The following KLHL2 variants were observed in gnomAD, a reference collection of about 807,000 sequenced individuals.
KLHL2 encodes the protein kelch-like protein 2.
A neutral mutation model predicts 75.8 loss-of-function variants in KLHL2; 15 were observed. The observed-to-expected ratio is 0.20, with a 90% confidence interval of 0.13 to 0.30. KLHL2 has a LOEUF of 0.30. Among genes scored for constraint, KLHL2 ranks in the 10% least tolerant of loss-of-function variants. The pLI is 1.00. For missense variants in KLHL2, 381 were observed against 741.0 expected (o/e 0.51, Z 5.64); for synonymous variants, 214 against 251.9 (o/e 0.85, Z 1.42).
rs185313536 is a variant in KLHL2, at chr4:165,244,467, C to T, written c.381+5568C>T. Among the ~76,000 whole-genome samples the T allele has an allele frequency of 3.3e-5, 5 of 152,276 alleles. No homozygotes were observed. The East Asian group carries it at 9.7e-4, about 29-fold the overall frequency. ...GTAAAGTAGATTTTGGTGAAGAGTGCTTTTGCTTTGTGTATTTCTATATTG... is the reference window on the plus strand; with the variant it reads ...GTAAAGTAGATTTTGGTGAAGAGTGTTTTTGCTTTGTGTATTTCTATATTG... On this transcript the variant is annotated intron_variant, in intron 4 of 14. Coordinates refer to ENST00000226725, the MANE Select transcript of KLHL2 (RefSeq NM_007246.4).
intron 3 of KLHL2, among the ~76,000 whole-genome samples, chr4:165,229,210 CA>C (rs2111039327): frequency 6.6e-6 from 1 of 152,208 alleles, no homozygotes; most frequent in African/African-American, 2.4e-5. Flanking sequence ...ATTATTTTGA[CA>C]AAAGGAAGCC....
At chr4:165,240,938 A>T (rs1003976875) in intron 4 of KLHL2, among the ~76,000 whole-genome samples, 6 of 152,214 alleles carry the variant, frequency 3.9e-5, no homozygotes, top group Admixed American at 6.5e-5. Flanking sequence ...GTTTCTTTTA[A>T]TAACTATCAT....
chr4:165,308,229 G>A (rs1745879991), intron 9 of KLHL2, among the ~76,000 whole-genome samples: 1 of 151,946 alleles, frequency 6.6e-6, no homozygotes, highest in Admixed American at 6.6e-5. Context: ...TATCTTTATC[G>A]TTACTATCTG....
intron 9 of KLHL2, among the ~76,000 whole-genome samples, chr4:165,307,819 C>T (rs1745849319): frequency 1.3e-5 from 2 of 152,142 alleles, no homozygotes; most frequent in South Asian, 2.1e-4. Flanking sequence ...AGTACCTTTA[C>T]AGTTTTATTT....
intron 3 of KLHL2, among the ~76,000 whole-genome samples, chr4:165,229,363 CTG>C (rs1738702411): frequency 6.6e-6 from 1 of 152,130 alleles, no homozygotes; most frequent in African/African-American, 2.4e-5. Context: ...ACTTTGGCAA[CTG>C]TGAAAATATA....
chr4:165,287,605 C>G (rs1250147315), intron 5 of KLHL2, among the ~76,000 whole-genome samples: 1 of 152,026 alleles, frequency 6.6e-6, no homozygotes, highest in African/African-American at 2.4e-5. Flanking sequence ...ATTTTATAAT[C>G]TTACCAACAG....
chr4:165,310,918 A>AC (rs1441026143), intron 10 of KLHL2, among the ~76,000 whole-genome samples, 168 bp downstream of exon 10: 2 of 148,162 alleles, frequency 1.3e-5, no homozygotes, highest in Non-Finnish European at 3.0e-5. Flanking sequence ...ACAGTGGCGC[A>AC]ATCTCGGCTC....
intron 2 of KLHL2, among the ~76,000 whole-genome samples, chr4:165,224,329 T>A (rs1738257384): frequency 6.6e-6 from 1 of 152,204 alleles, no homozygotes; most frequent in Non-Finnish European, 1.5e-5. Context: ...ACCTATTAGC[T>A]TTATTTACAA....
rs1745664251 is a variant in KLHL2 at position 165,305,520 on chromosome 4, C to T, written c.922-88C>T. 7.6e-6 allele frequency: 8 copies of T among 1,057,952 alleles called. No individual in the cohort carries two copies. In the South Asian group the frequency reaches 9.2e-5, roughly 12 times the overall value. The allele number at this position is 1,057,952 out of a possible 1,614,324, so 65.5% of individuals were successfully genotyped here. The stretch of plus-strand genomic sequence containing the variant: ...TCACCCTATCATCTTCATCCTAACA[C>T]TTCCCACACCAGTGTCTTTGTAGGA... On this transcript the variant is annotated intron_variant, in intron 8 of 14. Transcript: ENST00000226725.
chr4:165,242,912 G>A (rs1407184392), intron 4 of KLHL2, among the ~76,000 whole-genome samples: 3 of 152,160 alleles, frequency 2.0e-5, no homozygotes, highest in Non-Finnish European at 4.4e-5. Context: ...TATATGCTAA[G>A]CATTTTATAT....
chr4:165,239,731 T>C (rs2111106818), intron 4 of KLHL2, among the ~76,000 whole-genome samples: 1 of 152,328 alleles, frequency 6.6e-6, no homozygotes. Flanking sequence ...AATCCCTCTT[T>C]AGAAAACGGA....
At chr4:165,223,738 C>G (rs1738196004) in intron 2 of KLHL2, among the ~76,000 whole-genome samples, 1 of 152,104 alleles carries the variant, frequency 6.6e-6, no homozygotes, top group South Asian at 2.1e-4. Context: ...CAGTGCATCT[C>G]TGGTGGGAAA....
At chr4:165,265,614 G>T (rs1227040995) in intron 5 of KLHL2, among the ~76,000 whole-genome samples, 1 of 151,982 alleles carries the variant, frequency 6.6e-6, no homozygotes, top group African/African-American at 2.4e-5. Flanking sequence ...CAACGTGATG[G>T]TTTCCAGCTT....
At chr4:165,213,636 A>G (rs902771176) in intron 1 of KLHL2, among the ~76,000 whole-genome samples, 1 of 152,282 alleles carries the variant, frequency 6.6e-6, no homozygotes, top group African/African-American at 2.4e-5. Flanking sequence ...GTGGTTTCCC[A>G]TGTACCTTCC....
intron 6 of KLHL2, among the ~76,000 whole-genome samples, chr4:165,296,280 T>A (rs1446521756): frequency 1.3e-5 from 2 of 152,202 alleles, no homozygotes; most frequent in East Asian, 1.9e-4. Context: ...TTGATTGGTC[T>A]CTCTCTAGGT....
intron 4 of KLHL2, among the ~76,000 whole-genome samples, chr4:165,239,835 C>T (rs1433573237): frequency 1.3e-5 from 2 of 152,190 alleles, no homozygotes; most frequent in Admixed American, 6.5e-5. Context: ...TCCCTTCAGA[C>T]TGTTTTCCAT....
chr4:165,283,755 C>T (rs1743870214), intron 5 of KLHL2, among the ~76,000 whole-genome samples: 1 of 152,206 alleles, frequency 6.6e-6, no homozygotes, highest in Non-Finnish European at 1.5e-5. Context: ...GGACTCTGAC[C>T]CCACATTTCT....
intron 5 of KLHL2, among the ~76,000 whole-genome samples, chr4:165,286,097 A>G (rs1744072143): frequency 6.6e-6 from 1 of 152,210 alleles, no homozygotes; most frequent in African/African-American, 2.4e-5. Context: ...AATCTTTATC[A>G]AAGTATCAGG....
intron 9 of KLHL2, among the ~76,000 whole-genome samples, chr4:165,307,499 T>G (rs922081842): frequency 3.9e-5 from 6 of 152,220 alleles, no homozygotes; most frequent in Non-Finnish European, 5.9e-5. Flanking sequence ...ACAGACTTCA[T>G]ATTTACCATT....
Sources: allele counts gnomAD v4.1 joint callset (sites outside exome capture counted in the v4.1 genomes callset), GRCh38; gene constraint gnomAD v4.1.1; transcripts MANE v1.5; gene names NCBI Gene and HGNC (gene_info 2026-07-23, HGNC 2026-07-21).